The following TNXB variants were observed in gnomAD, a reference collection of about 807,000 sequenced individuals.
The protein encoded by TNXB is tenascin XB, also known as tenascin-X.
A neutral mutation model predicts 340.5 loss-of-function variants in TNXB; 183 were observed. That is an observed-to-expected ratio of 0.54 (90% CI 0.48 to 0.61). The LOEUF (loss-of-function observed/expected upper bound fraction) is 0.61, where lower values mean the gene tolerates loss of function less well. Among genes scored for constraint, TNXB ranks in the 20% least tolerant of loss-of-function variants. The pLI, the probability that TNXB is intolerant of heterozygous loss-of-function variation, is 0.00. For synonymous variants in TNXB, 2,121 were observed against 2,314.5 expected, an observed-to-expected ratio of 0.92 and a Z score of 2.40; for missense variants, 4,613 against 5,446.4, an observed-to-expected ratio of 0.85 and a Z score of 4.82.
chr6:32,099,059 A>G (rs747661476), intron 1 of TNXB, among the ~76,000 whole-genome samples: 2 of 152,152 alleles, frequency 1.3e-5, no homozygotes, highest in Non-Finnish European at 2.9e-5. Flanking sequence ...CAAGGACCTC[A>G]TCTATCCCAG....
chr6:32,043,741 C>T lies in TNXB; in HGVS notation c.11530+8G>A. ...CCACCTCTTGCCCCGGGTCCCAGTCCATCTCACCCGTGGTGAGGAAGCCTG... is the reference window on the plus strand; with the variant it reads ...CCACCTCTTGCCCCGGGTCCCAGTCTATCTCACCCGTGGTGAGGAAGCCTG... On this transcript the variant is annotated splice_region_variant and intron_variant, in intron 35 of 43. Coordinates refer to ENST00000644971, the MANE Select transcript of TNXB (RefSeq NM_001365276.2). The T allele has an allele frequency of 2.5e-6, 4 of 1,613,530 alleles. No individual in the cohort carries two copies. The highest frequency in any genetic ancestry group is 3.4e-6 in the Non-Finnish European group (4 of 1,180,002).
At chr6:32,048,128 G>T in intron 29 of TNXB, 116 bp from the exon 30 acceptor site, 1 of 1,323,492 alleles carries the variant, frequency 7.6e-7, no homozygotes, top group Non-Finnish European at 1.0e-6. Flanking sequence ...GACTGGGCCA[G>T]GAGTAGGAAT....
chr6:32,095,749 G>T lies in TNXB; in HGVS notation c.2104C>A (p.Gln702Lys), dbSNP rs1397577306. 6.2e-7 allele frequency: 1 copy of T among 1,613,700 alleles called. No homozygotes were observed. The highest frequency in any genetic ancestry group is 8.5e-7 in the Non-Finnish European group (1 of 1,179,854). The change falls in exon 3 of 44, where the codon CAG becomes AAG. Residue 702 changes from glutamine to lysine, a missense_variant. Coordinates refer to ENST00000644971, the MANE Select transcript of TNXB (RefSeq NM_001365276.2). The part of the protein sequence containing the change: ...CGPRELCRAG[Q>K]CVCVEGFRGP... Reference sequence around the variant, plus strand: ...CGGAAGCCCTCTACACACACACACTGGCCTGCCCGGCACAGTTCCCGGGGC... The same window carrying T: ...CGGAAGCCCTCTACACACACACACTTGCCTGCCCGGCACAGTTCCCGGGGC...
Position 32,097,790 on chromosome 6 carries a change from G to C in TNXB, c.403+6C>G, listed in dbSNP as rs1175478699. On this transcript the variant is annotated splice_donor_region_variant and intron_variant, in intron 2 of 43. Transcript: ENST00000644971. This position sits in a 1 kb window ranked among gnomAD's most constrained non-coding sequence, Gnocchi z 5.9. ...TCTCCACCCTCTTCTGTGATCACCT[G>C]CTCACCTGTGCCAGCTTGGGCAGAG... 1 of 1,499,402 alleles carries C rather than the reference G, an allele frequency of 6.7e-7. No homozygotes were observed. The highest frequency in any genetic ancestry group is 8.9e-7 in the Non-Finnish European group (1 of 1,123,372). The allele number at this position is 1,499,402 out of a possible 1,614,324, so 92.9% of individuals were successfully genotyped here.
Position 32,049,671 on chromosome 6 carries a change from G to C in TNXB, c.9440-84C>G. On this transcript the variant is annotated intron_variant, in intron 27 of 43. Coordinates refer to ENST00000644971, the MANE Select transcript of TNXB (RefSeq NM_001365276.2). The surrounding 1 kb of genome is among the most constrained non-coding windows in gnomAD (Gnocchi z 4.5). ...GGAGGGAGAAGCCAAGGCTATGACT[G>C]GGGGACCTGAGGTCATTTCAGAGAA... 1 of 1,461,050 alleles carries C rather than the reference G, an allele frequency of 6.8e-7. No homozygotes were observed. The highest frequency in any genetic ancestry group is 1.4e-5 in the African/African-American group (1 of 71,586). 90.5% of individuals were successfully genotyped at this position (1,461,050 alleles called of 1,614,324 possible).
rs1248549689 is a variant in TNXB, at chr6:32,095,994, G to A, written c.1859C>T (p.Thr620Ile). 6.2e-7 allele frequency: 1 copy of A among 1,612,806 alleles called. No individual in the cohort carries two copies. Residue 620 changes from threonine to isoleucine, a missense_variant, in exon 3 of 44, where the codon ACC (threonine) becomes ATC (isoleucine). Physicochemically the swap from Thr to Ile is moderately conservative, Grantham distance 89. Coordinates refer to ENST00000644971, the MANE Select transcript of TNXB (RefSeq NM_001365276.2). ...CCTCCCGTGGCAGTTGGAGGGGCAG[G>A]TGCGGATGCTGCAGTCCTCACTCAC... ...GYVSEDCSIR[T>I]CPSNCHGRGR...
intron 23 of TNXB, 112 bp downstream of exon 23, chr6:32,056,474 C>A: frequency 4.7e-6 from 7 of 1,497,148 alleles, no homozygotes; most frequent in Non-Finnish European, 6.3e-6. Context: ...CAGCCACAAG[C>A]AGGTCTGTGG....
At position 32,089,005 on chromosome 6, in the gene TNXB, C is replaced by T. The variant is rs1007864090; in HGVS notation, c.2559G>A (p.Pro853=). The part of the protein sequence containing the change: ...PQDLRVVAVT[P]TTLELGWLRP... ...GCAGCCAGCCAAGCTCCAGTGTTGTCGGTGTCACAGCCACCACTCGGAGGT... is the reference window on the plus strand; with the variant it reads ...GCAGCCAGCCAAGCTCCAGTGTTGTTGGTGTCACAGCCACCACTCGGAGGT... Residue 853 remains proline, a synonymous_variant, in exon 6 of 44, where the codon CCG becomes CCA. Coordinates refer to ENST00000644971, the MANE Select transcript of TNXB (RefSeq NM_001365276.2). This position sits in a 1 kb window ranked among gnomAD's most constrained non-coding sequence, Gnocchi z 6.2. 8.7e-6 allele frequency: 14 copies of T among 1,610,766 alleles called. No individual in the cohort carries two copies. Among genetic ancestry groups the T allele is most frequent in the Admixed American group, 5.0e-5 (3 of 59,912 alleles).
rs776744018 is a variant in TNXB at position 32,049,600 on chromosome 6, A to AGGAG, written c.9440-17_9440-14dup. On this transcript the variant is annotated splice_polypyrimidine_tract_variant and intron_variant, in intron 27 of 43. Transcript: ENST00000644971. This position sits in a 1 kb window ranked among gnomAD's most constrained non-coding sequence, Gnocchi z 4.5. Reference sequence around the variant, plus strand: ...GGGGTCTCTTCCTCTGCAGTGGAGAAGGAGGGAGAGAGAGTGAGGGGGATG... The same window carrying AGGAG: ...GGGGTCTCTTCCTCTGCAGTGGAGAAGGAGGGAGGGAGAGAGAGTGAGGGGGATG... 4.4e-5 allele frequency: 70 copies of AGGAG among 1,604,580 alleles called. 1 individual carries two copies. The East Asian group carries it at 4.9e-4, about 11-fold the overall frequency.
At position 32,049,466 on chromosome 6, in the gene TNXB, G is replaced by T. The variant is rs376258289; in HGVS notation, c.9561C>A (p.Thr3187=). 17 of 1,612,588 alleles carry T rather than the reference G, an allele frequency of 1.1e-5. No homozygotes were observed. The highest frequency in any genetic ancestry group is 4.4e-5 in the South Asian group (4 of 91,056). ...SSPDSLSLSW[T]VPQGRFDSFT... is the part of the protein sequence containing the mutation. ...AGGAGTCGAAGCGGCCCTGGGGGAC[G>T]GTCCAGGAGAGGCTCAGCGAGTCAG... Residue 3187 remains threonine, a synonymous_variant, in exon 28 of 44, where the codon ACC becomes ACA. Coordinates refer to ENST00000644971, the MANE Select transcript of TNXB (RefSeq NM_001365276.2). This position sits in a 1 kb window ranked among gnomAD's most constrained non-coding sequence, Gnocchi z 4.5.
chr6:32,081,329 G>A lies in TNXB; in HGVS notation c.4042+39C>T, dbSNP rs1244821858. The A allele has an allele frequency of 6.6e-6, 10 of 1,505,882 alleles. No individual in the cohort carries two copies. The South Asian group carries it at 1.1e-4, about 17-fold the overall frequency. 93.3% of individuals were successfully genotyped at this position (1,505,882 alleles called of 1,614,324 possible). On this transcript the variant is annotated intron_variant, in intron 10 of 43. Coordinates refer to ENST00000644971, the MANE Select transcript of TNXB (RefSeq NM_001365276.2). The surrounding 1 kb of genome is among the most constrained non-coding windows in gnomAD (Gnocchi z 5.1). ...CCAGCCAAGTCCCGCTCACAGGATG[G>A]GGCTAGCAGGGGAGGGAGGCCTGGC... is the stretch of plus-strand genomic sequence containing the variant.
Position 32,068,909 on chromosome 6 carries a change from G to A in TNXB, c.5815C>T (p.Leu1939=), listed in dbSNP as rs758899110. The A allele has an allele frequency of 5.6e-6, 9 of 1,612,884 alleles. 1 individual carries two copies. The South Asian group carries it at 8.8e-5, about 16-fold the overall frequency. ...ACCAGGTATCTGTGGTCGGATTCCA[G>A]GCCAGAGAGGGTGATGTCATTCCGG... ...GDRNDITLSG[L]ESDHRYLVTL... is the part of the protein sequence containing the mutation. The change falls in exon 16 of 44, where the codon CTG becomes TTG. Residue 1939 remains leucine (L), a synonymous_variant. Coordinates refer to ENST00000644971, the MANE Select transcript of TNXB (RefSeq NM_001365276.2). This position sits in a 1 kb window ranked among gnomAD's most constrained non-coding sequence, Gnocchi z 5.3.
intron 24 of TNXB, 61 bp from the exon 25 acceptor site, chr6:32,053,772 T>A (rs772544061): frequency 1.3e-6 from 2 of 1,567,218 alleles, no homozygotes; most frequent in Non-Finnish European, 1.7e-6. Context: ...ATAGAAAGGA[T>A]GTGTCACAAA....
chr6:32,061,372 C>T lies in TNXB; in HGVS notation c.7492+25G>A. 6.2e-7 allele frequency: 1 copy of T among 1,604,424 alleles called. No homozygotes were observed. Among genetic ancestry groups the T allele is most frequent in the Non-Finnish European group, 8.5e-7 (1 of 1,174,126 alleles). The stretch of plus-strand genomic sequence containing the variant: ...GGTACCCATGAGGGAAAGGTGGTTA[C>T]CCCGAGACTCCAAGCACTACTCACC... On this transcript the variant is annotated intron_variant, in intron 21 of 43. Coordinates refer to ENST00000644971, the MANE Select transcript of TNXB (RefSeq NM_001365276.2). The surrounding 1 kb of genome is among the most constrained non-coding windows in gnomAD (Gnocchi z 4.4).
In TNXB at chr6:32,056,840, C is replaced by T. The variant is rs374865424; in HGVS notation, c.7889G>A (p.Arg2630His). 218 of 1,612,938 alleles carry T rather than the reference C, an allele frequency of 1.4e-4. No homozygotes were observed. The highest frequency in any genetic ancestry group is 1.6e-4 in the Middle Eastern group (1 of 6,062). Residue 2630 changes from arginine to histidine, a missense_variant, in exon 23 of 44, where the codon CGC becomes CAC. Transcript: ENST00000644971. ...ATCTGTCATGGTCAGCTCCCCCAGG[C>T]GAGGCTTGATGGGGGGCTCAGGGGT... is the stretch of plus-strand genomic sequence containing the variant. ...TMTPEPPIKP[R>H]LGELTMTDAT...
chr6:32,080,903 G>A lies in TNXB; in HGVS notation c.4042+465C>T, dbSNP rs138952038. Among the ~76,000 whole-genome samples, 946 of 152,268 alleles carry A rather than the reference G, an allele frequency of 6.2e-3. 17 individuals carry two copies. Among genetic ancestry groups the A allele is most frequent in the South Asian group, 0.019 (90 of 4,820 alleles). On this transcript the variant is annotated intron_variant, in intron 10 of 43. Transcript: ENST00000644971. This position sits in a 1 kb window ranked among gnomAD's most constrained non-coding sequence, Gnocchi z 4.3. ...CATGCTGCAAAAAGGCTAGAGAAACGTGGTGCTCTTGTCACTTGGATCTGC... is the reference window on the plus strand; with the variant it reads ...CATGCTGCAAAAAGGCTAGAGAAACATGGTGCTCTTGTCACTTGGATCTGC...
chr6:32,093,907 A>G (rs1167374818), intron 4 of TNXB, among the ~76,000 whole-genome samples: 1 of 151,932 alleles, frequency 6.6e-6, no homozygotes, highest in African/African-American at 2.4e-5. Context: ...CTGGGCATGC[A>G]ACATGGAGAA....
At chr6:32,078,125 AAGAAAGAAAAAGAG>A (rs1779206840) in intron 11 of TNXB, among the ~76,000 whole-genome samples, 1 of 140,468 alleles carries the variant, frequency 7.1e-6, no homozygotes, top group African/African-American at 2.5e-5. Flanking sequence ...GAAAGAAAGA[AAGAAAGAAAAAGAG>A]AGAAAGAAGA....
rs1415626390 is a variant in TNXB at position 32,082,904 on chromosome 6, T to C, written c.3446-578A>G. 6.6e-6 allele frequency among the ~76,000 whole-genome samples: 1 copy of C among 152,156 alleles called. No homozygotes were observed. Among genetic ancestry groups the C allele is most frequent in the Non-Finnish European group, 1.5e-5 (1 of 68,024 alleles). On this transcript the variant is annotated intron_variant, in intron 8 of 43. Transcript: ENST00000644971. This position sits in a 1 kb window ranked among gnomAD's most constrained non-coding sequence, Gnocchi z 5.0. ...TGCCATCAGCATTTCAACAAGCTACTGTCACACCCCTCCTCACCCCCACTC... is the reference window on the plus strand; with the variant it reads ...TGCCATCAGCATTTCAACAAGCTACCGTCACACCCCTCCTCACCCCCACTC...
Sources: allele counts gnomAD v4.1 joint callset (sites outside exome capture counted in the v4.1 genomes callset), GRCh38; gene constraint gnomAD v4.1.1; non-coding constraint Gnocchi (gnomAD v3.1); transcripts MANE v1.5; gene names NCBI Gene and HGNC (gene_info 2026-07-23, HGNC 2026-07-21).